NSF: variants seen among roughly 807,000 people sequenced by gnomAD.
NSF encodes the protein vesicle-fusing ATPase.
Under a neutral mutation model 50.3 loss-of-function variants are expected in NSF, and 14 were observed. The ratio of observed to expected loss-of-function variants is 0.28; its 90% CI spans 0.18 to 0.44. The LOEUF (loss-of-function observed/expected upper bound fraction) is 0.44. NSF is among the 20% of genes least tolerant of loss of function. NSF has a pLI of 1.00. For synonymous variants in NSF, 109 were observed against 175.7 expected, an observed-to-expected ratio of 0.62 and a Z score of 3.00; for missense variants, 218 against 504.3, an observed-to-expected ratio of 0.43 and a Z score of 5.44.
At chr17:46,738,792 T>G (rs1284834015) in intron 17 of NSF, among the ~76,000 whole-genome samples, 1 of 152,260 alleles carries the variant, frequency 6.6e-6, no homozygotes. Flanking sequence ...ATTCATGAGC[T>G]GTTCATACAG....
At chr17:46,753,050 T>C (rs2059197913) in intron 19 of NSF, among the ~76,000 whole-genome samples, 1 of 152,264 alleles carries the variant, frequency 6.6e-6, no homozygotes, top group African/African-American at 2.4e-5. Context: ...ATTACAGGTG[T>C]GAGCCACTGC....
intron 16 of NSF, among the ~76,000 whole-genome samples, chr17:46,727,531 G>A (rs904959818): frequency 6.6e-6 from 1 of 152,132 alleles, no homozygotes; most frequent in Non-Finnish European, 1.5e-5. Flanking sequence ...TTTTTCCCAT[G>A]ATTTTCAGAC....
At chr17:46,633,897 G>A (rs145969223) in intron 4 of NSF, among the ~76,000 whole-genome samples, 4 of 101,572 alleles carry the variant, frequency 3.9e-5, no homozygotes, top group African/African-American at 1.9e-4. Flanking sequence ...TTGAGACAGA[G>A]TTTCACTCTT....
At chr17:46,711,946 T>G (rs1168771423) in intron 14 of NSF, among the ~76,000 whole-genome samples, 1 of 152,156 alleles carries the variant, frequency 6.6e-6, no homozygotes, top group Non-Finnish European at 1.5e-5. Flanking sequence ...TAGAAGCAGA[T>G]AGAAGCCAGT....
chr17:46,712,926 G>T (rs2058733668), intron 14 of NSF, among the ~76,000 whole-genome samples: 1 of 152,180 alleles, frequency 6.6e-6, no homozygotes. Flanking sequence ...GGCTGAAAAA[G>T]ATACCAAAAT....
chr17:46,733,053 G>A (rs544343722), intron 17 of NSF, among the ~76,000 whole-genome samples: 1 of 152,326 alleles, frequency 6.6e-6, no homozygotes, highest in East Asian at 1.9e-4. Flanking sequence ...TGAGCTGGAC[G>A]TACAATTTGT....
At chr17:46,743,728 C>T (rs1472945538) in intron 17 of NSF, among the ~76,000 whole-genome samples, 3 of 152,232 alleles carry the variant, frequency 2.0e-5, no homozygotes, top group African/African-American at 7.2e-5. Flanking sequence ...GCAGCAGCTC[C>T]TCACAGGCCC....
chr17:46,710,683 A>G (rs1391019791), intron 13 of NSF, among the ~76,000 whole-genome samples: 1 of 152,206 alleles, frequency 6.6e-6, no homozygotes, highest in Non-Finnish European at 1.5e-5. Context: ...ACATTGGAAC[A>G]TATTCTTTCT....
chr17:46,725,877 G>A (rs1860695985), intron 15 of NSF, among the ~76,000 whole-genome samples: 1 of 152,146 alleles, frequency 6.6e-6, no homozygotes, highest in African/African-American at 2.4e-5. Context: ...AAGGCCTTGA[G>A]TACTTCTATT....
Position 46,622,520 on chromosome 17 carries a change from C to T in NSF, c.13-1724C>T, listed in dbSNP as rs577395520. Among the ~76,000 whole-genome samples the T allele has an allele frequency of 1.4e-4, 21 of 149,830 alleles. 1 individual carries two copies. The highest frequency in any genetic ancestry group is 5.0e-4 in the African/African-American group (20 of 39,960). On this transcript the variant is annotated intron_variant, in intron 1 of 20. Coordinates refer to ENST00000398238, the MANE Select transcript of NSF (RefSeq NM_006178.4). Reference sequence around the variant, plus strand: ...TGGTGTGGCTGGACGCAGTGGCTCACGCCTGTAATCCTAGCACTTTGGGAG... The same window carrying T: ...TGGTGTGGCTGGACGCAGTGGCTCATGCCTGTAATCCTAGCACTTTGGGAG...
intron 10 of NSF, among the ~76,000 whole-genome samples, 180 bp downstream of exon 10, chr17:46,693,248 AG>A (rs2058563197): frequency 6.7e-6 from 1 of 148,986 alleles, no homozygotes; most frequent in Non-Finnish European, 1.5e-5. Context: ...GATGGATTTC[AG>A]TCACTTGTAG....
chr17:46,742,784 T>A (rs2059088493), intron 17 of NSF, among the ~76,000 whole-genome samples: 1 of 152,178 alleles, frequency 6.6e-6, no homozygotes, highest in African/African-American at 2.4e-5. Flanking sequence ...GTTTCTACCA[T>A]CGGGGAGTTG....
chr17:46,752,759 G>A (rs913785352), intron 19 of NSF, among the ~76,000 whole-genome samples: 2 of 151,638 alleles, frequency 1.3e-5, no homozygotes, highest in African/African-American at 2.4e-5. Flanking sequence ...CCTGGCCCTC[G>A]GTAACTTTTT....
intron 9 of NSF, among the ~76,000 whole-genome samples, chr17:46,687,320 A>G (rs1388078511): frequency 6.8e-6 from 1 of 146,326 alleles, no homozygotes; most frequent in Non-Finnish European, 1.5e-5. Context: ...TCAGTTGTGT[A>G]TATCTTGTTC....
At chr17:46,657,093 A>G (rs1414476161) in intron 8 of NSF, among the ~76,000 whole-genome samples, 5 of 47,628 alleles carry the variant, frequency 1.0e-4, no homozygotes, top group African/African-American at 3.1e-4. Flanking sequence ...TGTTTAATCA[A>G]TCCCCTCTAG....
intron 17 of NSF, among the ~76,000 whole-genome samples, chr17:46,744,589 G>A (rs949097295): frequency 4.0e-5 from 6 of 151,860 alleles, no homozygotes; most frequent in Non-Finnish European, 8.8e-5. Context: ...CCATTTCACT[G>A]CAGTATTATA....
chr17:46,631,082 A>ACACACACACACACACACG (rs1555668596), intron 4 of NSF, among the ~76,000 whole-genome samples: 79 of 142,022 alleles, frequency 5.6e-4, no homozygotes, highest in East Asian at 2.0e-3. Flanking sequence ...ACACACACAC[A>ACACACACACACACACACG]CACACACACA....
At chr17:46,725,957 C>T (rs1278289581) in intron 15 of NSF, among the ~76,000 whole-genome samples, 1 of 152,202 alleles carries the variant, frequency 6.6e-6, no homozygotes, top group Non-Finnish European at 1.5e-5. Context: ...TAAAACCGTT[C>T]CTTCACTGCT....
chr17:46,746,237 T>G (rs1423013468), intron 17 of NSF, among the ~76,000 whole-genome samples: 1 of 152,238 alleles, frequency 6.6e-6, no homozygotes, highest in Admixed American at 6.5e-5. Context: ...CCCTTTAATC[T>G]GAATGCTCAC....
Sources: allele counts gnomAD v4.1 joint callset (sites outside exome capture counted in the v4.1 genomes callset), GRCh38; gene constraint gnomAD v4.1.1; transcripts MANE v1.5; gene names NCBI Gene and HGNC (gene_info 2026-07-23, HGNC 2026-07-21).